The following USPL1 variants were observed in gnomAD, a reference collection of about 807,000 sequenced individuals.
The protein encoded by USPL1 is SUMO-specific isopeptidase USPL1.
In USPL1, 27 loss-of-function variants were observed where a neutral mutation model predicts 51.5. The observed-to-expected ratio is 0.52, with a 90% CI of 0.39 to 0.72. The LOEUF is 0.72. USPL1 is among the 30% of genes least tolerant of loss of function. USPL1 has a pLI of 0.00. For synonymous variants in USPL1, 451 were observed against 459.6 expected (o/e 0.98, Z 0.24); for missense variants, 1,226 against 1,268.0 (o/e 0.97, Z 0.50).
chr13:30,639,787 T>C (rs1321404628), intron 5 of USPL1, among the ~76,000 whole-genome samples: 1 of 152,180 alleles, frequency 6.6e-6, no homozygotes, highest in Non-Finnish European at 1.5e-5. Context: ...GCTTTCGTGG[T>C]GCATTTAGCA....
chr13:30,640,157 T>C (rs1950927899), intron 5 of USPL1, among the ~76,000 whole-genome samples: 1 of 152,216 alleles, frequency 6.6e-6, no homozygotes. Flanking sequence ...AGCTCTTTCA[T>C]AATATTTTAA....
At chr13:30,627,840 C>G (rs1003707143) in intron 3 of USPL1, among the ~76,000 whole-genome samples, 5 of 151,820 alleles carry the variant, frequency 3.3e-5, no homozygotes, top group African/African-American at 1.2e-4. Flanking sequence ...TTCCCATTTT[C>G]CTCTCCCCCA....
At chr13:30,625,150 G>GAAC (rs1252774662) in intron 3 of USPL1, among the ~76,000 whole-genome samples, 1 of 152,202 alleles carries the variant, frequency 6.6e-6, no homozygotes, top group African/African-American at 2.4e-5. Flanking sequence ...GGTGGCAGAG[G>GAAC]TGTTGAGGCA....
chr13:30,642,703 A>T lies in USPL1; in HGVS notation c.1058A>T (p.Tyr353Phe), dbSNP rs774010155. 7 of 1,613,890 alleles carry T rather than the reference A, an allele frequency of 4.3e-6. No individual in the cohort carries two copies. Among genetic ancestry groups the T allele is most frequent in the Middle Eastern group, 3.3e-4 (2 of 6,056 alleles). Residue 353 changes from tyrosine to phenylalanine, a missense_variant, in exon 6 of 9, where the codon TAT becomes TTT. By Grantham distance (22) the Tyr-to-Phe change is conservative. Coordinates refer to ENST00000255304, the MANE Select transcript of USPL1 (RefSeq NM_005800.5). ...ACCCACATTGAAAAGCTCTTCCTAT[A>T]TTCTTTTTCTTGGGACTTTGAATGT... is the stretch of plus-strand genomic sequence containing the variant. The part of the protein sequence containing the change: ...LETHIEKLFL[Y>F]SFSWDFECSQ...
At chr13:30,622,165 T>C (rs1469024452) in intron 3 of USPL1, among the ~76,000 whole-genome samples, 1 of 152,076 alleles carries the variant, frequency 6.6e-6, no homozygotes, top group Non-Finnish European at 1.5e-5. Context: ...TTGGAGGTCC[T>C]TGTTAGCTAT....
At chr13:30,649,957 A>T (rs1234417259) in intron 7 of USPL1, among the ~76,000 whole-genome samples, 1 of 152,090 alleles carries the variant, frequency 6.6e-6, no homozygotes, top group Non-Finnish European at 1.5e-5. Flanking sequence ...GCTCTCCTCG[A>T]CTCTGAGCAT....
chr13:30,639,995 C>G (rs1170110278), intron 5 of USPL1, among the ~76,000 whole-genome samples: 8 of 152,152 alleles, frequency 5.3e-5, no homozygotes, highest in Non-Finnish European at 1.2e-4. Flanking sequence ...TTTGTGTAAT[C>G]ATAATAATTG....
intron 4 of USPL1, among the ~76,000 whole-genome samples, chr13:30,632,839 C>T (rs1950825524): frequency 6.6e-6 from 1 of 152,184 alleles, no homozygotes; most frequent in South Asian, 2.1e-4. Context: ...CACCCATAAT[C>T]ACACAACCTC....
intron 1 of USPL1, among the ~76,000 whole-genome samples, chr13:30,619,183 T>TC (rs1447373302): frequency 2.0e-5 from 3 of 151,800 alleles, no homozygotes; most frequent in South Asian, 2.1e-4. Flanking sequence ...AGTTGTAAAA[T>TC]CCCCCCCGGG....
rs562208928 is a variant in USPL1 at position 30,640,677 on chromosome 13, C to T, written c.983-1951C>T. ...TGCACTCCAACCTGAGCAACAAGTG[C>T]GAAACTCCTTCTCAAAAAGAAACAA... On this transcript the variant is annotated intron_variant, in intron 5 of 8. Transcript: ENST00000255304. 1.6e-3 allele frequency among the ~76,000 whole-genome samples: 244 copies of T among 152,206 alleles called. 1 individual carries two copies. The highest frequency in any genetic ancestry group is 5.3e-3 in the African/African-American group (218 of 41,522).
chr13:30,654,345 T>TTCTCTC lies in USPL1; in HGVS notation c.1396+1052_1396+1057dup, dbSNP rs375597268. Among the ~76,000 whole-genome samples, 4 of 149,970 alleles carry TTCTCTC rather than the reference T, an allele frequency of 2.7e-5. No homozygotes were observed. In the East Asian group the frequency reaches 7.8e-4, roughly 29 times the overall value. On this transcript the variant is annotated intron_variant, in intron 8 of 8. Transcript: ENST00000255304. The stretch of plus-strand genomic sequence containing the variant: ...TTCCTTCCTTCGTTCCTCTCTCTCA[T>TTCTCTC]TCTCTCTCTCTCTCTCTTTCTCTCT...
intron 8 of USPL1, 110 bp downstream of exon 8, chr13:30,653,415 T>G: frequency 9.0e-7 from 1 of 1,107,674 alleles, no homozygotes; most frequent in Non-Finnish European, 1.3e-6. Context: ...TTGTCCTGAC[T>G]CTTTCTCTCT....
chr13:30,649,593 A>T (rs569836222), intron 7 of USPL1, among the ~76,000 whole-genome samples: 1 of 152,326 alleles, frequency 6.6e-6, no homozygotes, highest in Admixed American at 6.5e-5. Context: ...GACCATGGTG[A>T]CATGGAGCAC....
chr13:30,635,404 C>T (rs769100979), intron 4 of USPL1, among the ~76,000 whole-genome samples: 1 of 152,174 alleles, frequency 6.6e-6, no homozygotes, highest in Non-Finnish European at 1.5e-5. Context: ...TTTATTTTCT[C>T]ACTTGATCTG....
At position 30,658,148 on chromosome 13, in the gene USPL1, G is replaced by T; in HGVS notation, c.2071G>T (p.Val691Leu). Reference protein sequence around the residue: ...NTDATGLIQGVKSVEIEKDAQ... With the variant: ...NTDATGLIQGLKSVEIEKDAQ... ...TGATGCTACTGGTCTTATACAGGGA[G>T]TGAAGTCAGTAGAAATTGAGAAGGA... Residue 691 changes from valine to leucine, a missense_variant, in exon 9 of 9, where the codon GTG (valine) becomes TTG (leucine). By Grantham distance (32) the Val-to-Leu change is conservative. Coordinates refer to ENST00000255304, the MANE Select transcript of USPL1 (RefSeq NM_005800.5). 2 of 1,613,486 alleles carry T rather than the reference G, an allele frequency of 1.2e-6. No homozygotes were observed. Among genetic ancestry groups the T allele is most frequent in the South Asian group, 1.1e-5 (1 of 90,878 alleles).
chr13:30,645,998 A>G (rs1482055361), intron 6 of USPL1, among the ~76,000 whole-genome samples: 1 of 152,236 alleles, frequency 6.6e-6, no homozygotes, highest in Non-Finnish European at 1.5e-5. Context: ...CATAACAATT[A>G]TCTTTGAAAA....
intron 4 of USPL1, among the ~76,000 whole-genome samples, chr13:30,635,429 G>A (rs1355499543): frequency 1.3e-5 from 2 of 152,096 alleles, no homozygotes; most frequent in South Asian, 2.1e-4. Context: ...GCCACCTCTA[G>A]CATGTATCAA....
Position 30,659,276 on chromosome 13 carries a change from TC to T in USPL1, c.3201del (p.Ser1068ProfsTer4), listed in dbSNP as rs1172787068. The T allele has an allele frequency of 6.2e-7, 1 of 1,614,040 alleles. No individual in the cohort carries two copies. Among genetic ancestry groups the T allele is most frequent in the Non-Finnish European group, 8.5e-7 (1 of 1,180,010 alleles). ...GACTGATATTTTCGATGAGTTTTTT[TC>T]CTCCTCAGCATTAAATGCTTTAGCA... ...MKTDIFDEFFSSSALNALAND... is the reference protein window; with the variant it reads ...MKTDIFDEFFXSSALNALAND... On this transcript the variant is annotated frameshift_variant, in exon 9 of 9. Transcript: ENST00000255304. LOFTEE classifies it high-confidence loss of function.
chr13:30,631,533 T>G, intron 4 of USPL1, 59 bp downstream of exon 4: 1 of 1,477,842 alleles, frequency 6.8e-7, no homozygotes, highest in South Asian at 1.3e-5. Context: ...CAGGGTCTCA[T>G]TCTGTCACCC....
Sources: allele counts gnomAD v4.1 joint callset (sites outside exome capture counted in the v4.1 genomes callset), GRCh38; gene constraint gnomAD v4.1.1; transcripts MANE v1.5; gene names NCBI Gene and HGNC (gene_info 2026-07-23, HGNC 2026-07-21).